Variants in GPM6A observed in about 807,000 individuals in gnomAD.
GPM6A encodes the protein glycoprotein M6A, also known as neuronal membrane glycoprotein M6-a.
A neutral mutation model predicts 32.1 loss-of-function variants in GPM6A; 7 were observed. That is an observed-to-expected ratio of 0.22 (90% CI 0.12 to 0.41). The LOEUF (loss-of-function observed/expected upper bound fraction) is 0.41, where lower values mean the gene tolerates loss of function less well. GPM6A is among the 10% of genes least tolerant of loss of function. GPM6A has a pLI of 1.00. For missense variants in GPM6A, 235 were observed against 347.2 expected, an observed-to-expected ratio of 0.68 and a Z score of 2.57; for synonymous variants, 130 against 123.4, an observed-to-expected ratio of 1.05 and a Z score of -0.35.
At chr4:175,863,541 C>CT (rs1459473078) in intron 1 of GPM6A, among the ~76,000 whole-genome samples, 1 of 151,872 alleles carries the variant, frequency 6.6e-6, no homozygotes, top group Non-Finnish European at 1.5e-5. Flanking sequence ...GCTGTAAACA[C>CT]TTGTTTATGA....
intron 1 of GPM6A, among the ~76,000 whole-genome samples, chr4:175,887,897 G>T (rs1291286483): frequency 1.3e-5 from 2 of 151,742 alleles, no homozygotes; most frequent in Non-Finnish European, 3.0e-5. Context: ...ATTAAATAAG[G>T]GCCCCATTAA....
At chr4:175,659,842 C>T (rs1364341006) in intron 3 of GPM6A, among the ~76,000 whole-genome samples, 3 of 152,076 alleles carry the variant, frequency 2.0e-5, no homozygotes, top group Admixed American at 6.6e-5. Flanking sequence ...GTTGAATGAA[C>T]AATAGTGTGA....
chr4:175,640,239 G>A (rs781764619), intron 5 of GPM6A, 45 bp from the exon 6 acceptor site: 14 of 1,478,936 alleles, frequency 9.5e-6, no homozygotes, highest in African/African-American at 1.4e-5. Flanking sequence ...AGAGTTATAG[G>A]TAGAAGAGAA....
intron 1 of GPM6A, among the ~76,000 whole-genome samples, chr4:175,933,751 A>G (rs1454924585): frequency 6.6e-6 from 1 of 152,114 alleles, no homozygotes; most frequent in African/African-American, 2.4e-5. Flanking sequence ...TCACCGTGCT[A>G]GCCAGGATGG....
intron 2 of GPM6A, among the ~76,000 whole-genome samples, chr4:175,679,332 A>C (rs1414094406): frequency 6.6e-6 from 1 of 152,094 alleles, no homozygotes; most frequent in Non-Finnish European, 1.5e-5. Flanking sequence ...TATACAAGCG[A>C]TATTGTGCTC....
intron 1 of GPM6A, among the ~76,000 whole-genome samples, chr4:175,820,036 A>G (rs1469102293): frequency 6.6e-6 from 1 of 152,218 alleles, no homozygotes; most frequent in African/African-American, 2.4e-5. Context: ...GTTCTTTAAG[A>G]TTTCTAATAT....
At chr4:175,882,623 T>C (rs1484593194) in intron 1 of GPM6A, among the ~76,000 whole-genome samples, 5 of 151,978 alleles carry the variant, frequency 3.3e-5, no homozygotes, top group South Asian at 2.1e-4. Context: ...CTTACTTTAG[T>C]TTTTGTCTTT....
upstream of GPM6A, among the ~76,000 whole-genome samples, chr4:175,815,850 G>A (rs1011494078): frequency 5.3e-5 from 8 of 150,922 alleles, no homozygotes; most frequent in South Asian, 6.3e-4. Context: ...CCCAAGTATC[G>A]AGGATTACAG....
intron 3 of GPM6A, among the ~76,000 whole-genome samples, chr4:175,653,311 A>G (rs1298955260): frequency 6.6e-6 from 1 of 152,122 alleles, no homozygotes; most frequent in Non-Finnish European, 1.5e-5. Flanking sequence ...ATTAAATAGC[A>G]GTTACTAAAT....
chr4:175,673,473 A>G (rs906438460), intron 3 of GPM6A, among the ~76,000 whole-genome samples: 1 of 152,138 alleles, frequency 6.6e-6, no homozygotes, highest in African/African-American at 2.4e-5. Flanking sequence ...TAGTTGTGCT[A>G]CATAGAATCT....
At position 175,799,671 on chromosome 4, in the gene GPM6A, C is replaced by CTT. The variant is rs374571140; in HGVS notation, c.37+12518_37+12519dup. Reference sequence around the variant, plus strand: ...TCACCCTAAAAGTAGCAAGTGTTTTCTTTTTTTTTTTTTTGAGACGGAGTC... The same window carrying CTT: ...TCACCCTAAAAGTAGCAAGTGTTTTCTTTTTTTTTTTTTTTTGAGACGGAGTC... On this transcript the variant is annotated intron_variant, in intron 1 of 6. Coordinates refer to ENST00000393658, the MANE Select transcript of GPM6A (RefSeq NM_201591.3). Among the ~76,000 whole-genome samples the CTT allele has an allele frequency of 6.7e-3, 820 of 122,090 alleles. 55 individuals carry two copies. The highest frequency in any genetic ancestry group is 0.022 in the African/African-American group (768 of 34,916). The allele number at this position is 122,090 out of a possible 152,430, so 80.1% of individuals were successfully genotyped here.
chr4:175,808,453 A>G (rs1734787210), intron 1 of GPM6A: 1 of 152,188 alleles, frequency 6.6e-6, no homozygotes, highest in South Asian at 2.1e-4. Flanking sequence ...CCTTTCATTT[A>G]TGTATTCTTG....
At chr4:175,932,382 A>C (rs570480539) in intron 1 of GPM6A, among the ~76,000 whole-genome samples, 10 of 152,274 alleles carry the variant, frequency 6.6e-5, no homozygotes, top group African/African-American at 2.2e-4. Flanking sequence ...CAGACGATGG[A>C]GCATCAAGGC....
chr4:175,874,999 T>A (rs1195921086), intron 1 of GPM6A, among the ~76,000 whole-genome samples: 2 of 152,138 alleles, frequency 1.3e-5, no homozygotes, highest in African/African-American at 2.4e-5. Context: ...CAACAAGAAA[T>A]CTATGTGCCT....
At chr4:175,877,495 T>C (rs1737122476) in intron 1 of GPM6A, among the ~76,000 whole-genome samples, 1 of 152,104 alleles carries the variant, frequency 6.6e-6, no homozygotes, top group Admixed American at 6.6e-5. Context: ...AAACTTATAA[T>C]CATGGTGGAA....
At chr4:175,907,935 C>G (rs1405307424) in intron 1 of GPM6A, among the ~76,000 whole-genome samples, 1 of 152,086 alleles carries the variant, frequency 6.6e-6, no homozygotes, top group Non-Finnish European at 1.5e-5. Context: ...GGGCCTCAGC[C>G]ATAAACCTAC....
intron 1 of GPM6A, among the ~76,000 whole-genome samples, chr4:175,729,064 T>C (rs1023052744): frequency 6.6e-6 from 1 of 152,154 alleles, no homozygotes; most frequent in African/African-American, 2.4e-5. Flanking sequence ...GGTTTCCTTA[T>C]TTCCCCAAAT....
chr4:175,864,191 A>G (rs1560970017), intron 1 of GPM6A, among the ~76,000 whole-genome samples: 3 of 152,138 alleles, frequency 2.0e-5, no homozygotes, highest in African/African-American at 7.2e-5. Context: ...TTGTTTGAGA[A>G]AGGGCCTGAC....
Position 175,752,166 on chromosome 4 carries a change from C to T in GPM6A, c.38-50399G>A, listed in dbSNP as rs560220488. Among the ~76,000 whole-genome samples, 166 of 152,132 alleles carry T rather than the reference C, an allele frequency of 1.1e-3. 2 individuals carry two copies. Among genetic ancestry groups the T allele is most frequent in the Non-Finnish European group, 2.0e-3 (138 of 68,002 alleles). On this transcript the variant is annotated intron_variant, in intron 1 of 6. Coordinates refer to ENST00000393658, the MANE Select transcript of GPM6A (RefSeq NM_201591.3). ...AATTTTATATAATTGTGGATCATTT[C>T]TTACTTAGGAAGATCATTCCTTCTA...
Sources: gnomAD v4.1 joint callset for allele counts (sites outside exome capture counted in the v4.1 genomes callset) on GRCh38, gnomAD v4.1.1 for gene constraint, MANE v1.5 for transcripts, NCBI Gene and HGNC (gene_info 2026-07-23, HGNC 2026-07-21) for gene names.